Variants in SLC25A51 observed in about 807,000 individuals in gnomAD.
SLC25A51 encodes mitochondrial nicotinamide adenine dinucleotide transporter SLC25A51.
In SLC25A51, 11 loss-of-function variants were observed where a neutral mutation model predicts 19.1. The ratio of observed to expected loss-of-function variants is 0.58; its 90% CI spans 0.36 to 0.96. The LOEUF is 0.96. SLC25A51 is among the 40% of genes least tolerant of loss of function. The pLI, the probability that SLC25A51 is intolerant of heterozygous loss-of-function variation, is 0.01. For synonymous variants in SLC25A51, 105 were observed against 133.6 expected (o/e 0.79, Z 1.47); for missense variants, 201 against 365.4 (o/e 0.55, Z 3.67).
At chr9:37,885,353 A>AC (rs1314455041), downstream of SLC25A51, among the ~76,000 whole-genome samples, 2 of 136,744 alleles carry the variant, frequency 1.5e-5, no homozygotes, top group East Asian at 4.2e-4. Context: ...AAAAAAAAAA[A>AC]AAAAAAAAAA....
intron 2 of SLC25A51, among the ~76,000 whole-genome samples, chr9:37,898,294 G>T (rs995583388): frequency 6.6e-6 from 1 of 152,066 alleles, no homozygotes; most frequent in African/African-American, 2.4e-5. Context: ...GGTGGCTCAC[G>T]CCTGTAATCC....
chr9:37,885,910 T>C, downstream of SLC25A51: 16 of 1,599,876 alleles, frequency 1.0e-5, no homozygotes, highest in Non-Finnish European at 1.3e-5. Flanking sequence ...GCCCTGAGTA[T>C]ATCAAGTACT....
chr9:37,884,695 G>C (rs1831411578), downstream of SLC25A51, among the ~76,000 whole-genome samples: 1 of 152,146 alleles, frequency 6.6e-6, no homozygotes, highest in Admixed American at 6.5e-5. Flanking sequence ...ATAACCACAG[G>C]CCTTTGCTGA....
intron 2 of SLC25A51, 32 bp from the exon 3 acceptor site, chr9:37,888,624 G>T (rs183721121): frequency 1.3e-6 from 2 of 1,496,856 alleles, no homozygotes; most frequent in African/African-American, 2.8e-5. Context: ...GGGTAAACCC[G>T]TTTTATAGAG....
chr9:37,889,478 G>T (rs1831533643), intron 2 of SLC25A51, among the ~76,000 whole-genome samples: 1 of 151,958 alleles, frequency 6.6e-6, no homozygotes, highest in Non-Finnish European at 1.5e-5. Flanking sequence ...GGATGATGGG[G>T]GCAAGGAAGG....
chr9:37,899,406 G>A lies in SLC25A51; in HGVS notation c.-43+423C>T, dbSNP rs143802437. On this transcript the variant is annotated intron_variant, in intron 2 of 2. Coordinates refer to ENST00000242275, the MANE Select transcript of SLC25A51 (RefSeq NM_033412.4). ...TTTTTTTTTCTTCTTTTACAAGACA[G>A]GGTCTCACTCTGTCACCCAGGCTGG... Among the ~76,000 whole-genome samples, 35 of 151,882 alleles carry A rather than the reference G, an allele frequency of 2.3e-4. 1 individual carries two copies. The East Asian group carries it at 6.8e-3, about 29-fold the overall frequency.
At chr9:37,880,969 A>G (rs1316407451) in intron 3 of SLC25A51, among the ~76,000 whole-genome samples, 1 of 152,132 alleles carries the variant, frequency 6.6e-6, no homozygotes, top group Non-Finnish European at 1.5e-5. Context: ...ATCTAAATGT[A>G]CAAGTTCAGG....
chr9:37,902,849 A>G (rs1831876860), intron 1 of SLC25A51, among the ~76,000 whole-genome samples: 1 of 152,238 alleles, frequency 6.6e-6, no homozygotes, highest in Admixed American at 6.5e-5. Context: ...CATGATACAG[A>G]TATGATCCTA....
chr9:37,891,627 T>C (rs930479458), intron 2 of SLC25A51, among the ~76,000 whole-genome samples: 1 of 152,092 alleles, frequency 6.6e-6, no homozygotes, highest in African/African-American at 2.4e-5. Context: ...CGGTGCAAGA[T>C]GTGCTTTGTT....
At chr9:37,887,055 G>A (rs1190922033), downstream of SLC25A51, among the ~76,000 whole-genome samples, 2 of 145,884 alleles carry the variant, frequency 1.4e-5, no homozygotes, top group East Asian at 2.0e-4. Flanking sequence ...AGTGGCTCAC[G>A]CCTATAATCC....
intron 2 of SLC25A51, among the ~76,000 whole-genome samples, chr9:37,889,096 C>A (rs908232561): frequency 6.6e-6 from 1 of 152,066 alleles, no homozygotes; most frequent in Non-Finnish European, 1.5e-5. Context: ...GTTTGGGGCC[C>A]ACAATCATTT....
chr9:37,892,485 G>T (rs983265728), intron 2 of SLC25A51, among the ~76,000 whole-genome samples: 2 of 152,074 alleles, frequency 1.3e-5, no homozygotes, highest in South Asian at 2.1e-4. Context: ...AAGCCGGTTA[G>T]GACCCTCAGG....
In SLC25A51 at chr9:37,894,317, C is replaced by T. The variant is rs550152036; in HGVS notation, c.-43+5512G>A. On this transcript the variant is annotated intron_variant, in intron 2 of 2. Coordinates refer to ENST00000242275, the MANE Select transcript of SLC25A51 (RefSeq NM_033412.4). ...TCTAATTAAACCTGCCCCCACTCAC[C>T]TTTTTTTTTAACTTTTTTTTTTTTT... 2.3e-3 allele frequency among the ~76,000 whole-genome samples: 340 copies of T among 148,688 alleles called. 2 individuals are homozygous for T. Among genetic ancestry groups the T allele is most frequent in the African/African-American group, 7.6e-3 (306 of 40,512 alleles).
chr9:37,888,810 C>T (rs1035104011), intron 2 of SLC25A51, among the ~76,000 whole-genome samples: 3 of 152,162 alleles, frequency 2.0e-5, no homozygotes, highest in Non-Finnish European at 4.4e-5. Context: ...CTATGTGAGG[C>T]TTGATTTTTT....
intron 2 of SLC25A51, among the ~76,000 whole-genome samples, chr9:37,895,573 T>C (rs1831699323): frequency 6.6e-6 from 1 of 152,190 alleles, no homozygotes; most frequent in Admixed American, 6.5e-5. Flanking sequence ...TTTTCATATA[T>C]GTTGCCCATT....
chr9:37,886,093 C>T, downstream of SLC25A51: 2 of 1,519,538 alleles, frequency 1.3e-6, no homozygotes, highest in Non-Finnish European at 1.8e-6. Flanking sequence ...ATGCTGGACG[C>T]TATACTGATG....
chr9:37,894,613 A>G (rs1036560238), intron 2 of SLC25A51, among the ~76,000 whole-genome samples: 15 of 152,270 alleles, frequency 9.9e-5, no homozygotes, highest in Non-Finnish European at 2.1e-4. Context: ...GGTATGAGCC[A>G]CTGGCCTGGC....
chr9:37,901,060 T>C (rs941360619), intron 1 of SLC25A51, among the ~76,000 whole-genome samples: 3 of 151,154 alleles, frequency 2.0e-5, no homozygotes, highest in African/African-American at 7.3e-5. Flanking sequence ...GAGACAGGGT[T>C]TCTCTACGTT....
intron 2 of SLC25A51, among the ~76,000 whole-genome samples, chr9:37,891,868 T>A (rs867875498): frequency 0.012 from 1,552 of 129,654 alleles, 45 homozygotes; most frequent in African/African-American, 0.049. Context: ...AAAAAAAATT[T>A]TATATATATA....
Sources: gnomAD v4.1 joint callset for allele counts (sites outside exome capture counted in the v4.1 genomes callset) on GRCh38, gnomAD v4.1.1 for gene constraint, MANE v1.5 for transcripts, NCBI Gene and HGNC (gene_info 2026-07-23, HGNC 2026-07-21) for gene names.